The following PRKAG2 variants were observed in gnomAD, a reference collection of about 807,000 sequenced individuals.
The protein encoded by PRKAG2 is protein kinase AMP-activated non-catalytic subunit gamma 2, also known as 5'-AMP-activated protein kinase subunit gamma-2.
Under a neutral mutation model 69.6 loss-of-function variants are expected in PRKAG2, and 26 were observed. The observed-to-expected ratio is 0.37, with a 90% CI of 0.27 to 0.52. The LOEUF is 0.52. Among genes scored for constraint, PRKAG2 ranks in the 20% least tolerant of loss-of-function variants. The probability of loss-of-function intolerance (pLI) is 0.90; values close to 1 mark genes in which losing one functional copy is unlikely to be tolerated. For synonymous variants in PRKAG2, 293 were observed against 285.0 expected (o/e 1.03, Z -0.28); for missense variants, 557 against 740.0 (o/e 0.75, Z 2.87).
chr7:151,767,009 G>A (rs575581057), intron 3 of PRKAG2, among the ~76,000 whole-genome samples: 4 of 152,342 alleles, frequency 2.6e-5, no homozygotes, highest in South Asian at 4.1e-4. Flanking sequence ...TAGCTGAGAT[G>A]AGGGTTATAC....
intron 5 of PRKAG2, among the ~76,000 whole-genome samples, chr7:151,612,116 A>G (rs1449787537): frequency 6.6e-6 from 1 of 152,122 alleles, no homozygotes; most frequent in Non-Finnish European, 1.5e-5. Context: ...CAGCATCACT[A>G]AAGGAGCTGA....
intron 4 of PRKAG2, among the ~76,000 whole-genome samples, chr7:151,671,429 T>C (rs1037221103): frequency 6.6e-6 from 1 of 152,166 alleles, no homozygotes; most frequent in African/African-American, 2.4e-5. Flanking sequence ...ATTAACAGAA[T>C]CAGCCAAGCA....
intron 4 of PRKAG2, among the ~76,000 whole-genome samples, chr7:151,644,177 C>T (rs1827195222): frequency 6.6e-6 from 1 of 152,100 alleles, no homozygotes; most frequent in Non-Finnish European, 1.5e-5. Flanking sequence ...CAAATCTCCA[C>T]TAAATAACTT....
intron 3 of PRKAG2, among the ~76,000 whole-genome samples, chr7:151,751,413 G>A (rs1046159279): frequency 1.3e-5 from 2 of 151,656 alleles, no homozygotes; most frequent in South Asian, 2.1e-4. Context: ...CACCACGCCC[G>A]GCCCAAAGAT....
chr7:151,790,323 C>A (rs1469893044), intron 1 of PRKAG2, among the ~76,000 whole-genome samples: 1 of 152,230 alleles, frequency 6.6e-6, no homozygotes, highest in East Asian at 1.9e-4. Flanking sequence ...CACTCTCTGG[C>A]TGAGAGTCAC....
intron 1 of PRKAG2, among the ~76,000 whole-genome samples, chr7:151,856,054 T>C (rs1792899599): frequency 1.3e-5 from 2 of 152,210 alleles, no homozygotes; most frequent in African/African-American, 4.8e-5. Context: ...ATTCTGCCCT[T>C]GGGGTTTCTC....
In PRKAG2 at chr7:151,807,231, C is replaced by A; in HGVS notation, c.115-20690G>T. 2.7e-6 allele frequency: 1 copy of A among 369,970 alleles called. No homozygotes were observed. Among genetic ancestry groups the A allele is most frequent in the Non-Finnish European group, 5.4e-6 (1 of 185,928 alleles). 22.9% of individuals were successfully genotyped at this position (369,970 alleles called of 1,614,324 possible). ...CAAAGGGCATTATATGTAAATCACA[C>A]CTCAATAAAGCTGACCAAAAAGTGG... On this transcript the variant is annotated intron_variant, in intron 1 of 15. Transcript: ENST00000287878. This position sits in a 1 kb window ranked among gnomAD's most constrained non-coding sequence, Gnocchi z 4.4.
At chr7:151,782,360 G>GAAA (rs1563663142) in intron 2 of PRKAG2, among the ~76,000 whole-genome samples, 21 of 35,610 alleles carry the variant, frequency 5.9e-4, no homozygotes, top group Non-Finnish European at 1.0e-3. Context: ...AGGGAGGGAG[G>GAAA]GAGGGAGGGA....
intron 15 of PRKAG2, chr7:151,560,037 T>C (rs1241647531): frequency 5.1e-6 from 5 of 985,218 alleles, no homozygotes; most frequent in Non-Finnish European, 4.8e-6. Context: ...TTAACCACAC[T>C]CTATCTGAAA....
intron 3 of PRKAG2, among the ~76,000 whole-genome samples, chr7:151,768,863 C>G (rs2075877658): frequency 6.6e-6 from 1 of 152,238 alleles, no homozygotes; most frequent in Non-Finnish European, 1.5e-5. Context: ...GAAACAGCGA[C>G]TCTGTAGCCT....
In PRKAG2 at chr7:151,862,965, G is replaced by A. The variant is rs115390447; in HGVS notation, c.114+13542C>T. Among the ~76,000 whole-genome samples the A allele has an allele frequency of 8.5e-3, 1,275 of 150,524 alleles. 20 individuals carry two copies. The highest frequency in any genetic ancestry group is 0.027 in the African/African-American group (1,084 of 40,824). On this transcript the variant is annotated intron_variant, in intron 1 of 15. Transcript: ENST00000287878. ...GTGCAGGGAGCACTGGTAGATCTCC[G>A]GGTGCAGGGGGCACTGGTAGGTCCT...
chr7:151,575,679 G>C (rs962427350), intron 7 of PRKAG2, among the ~76,000 whole-genome samples: 3 of 152,098 alleles, frequency 2.0e-5, no homozygotes, highest in African/African-American at 7.2e-5. Context: ...AGATGAGTGC[G>C]GGGCCCAGGG....
intron 5 of PRKAG2, among the ~76,000 whole-genome samples, chr7:151,605,886 T>G (rs1159459209): frequency 6.9e-6 from 1 of 144,340 alleles, no homozygotes; most frequent in Non-Finnish European, 1.5e-5. Flanking sequence ...TGCAGTGAAC[T>G]GAGATTGTGC....
intron 3 of PRKAG2, among the ~76,000 whole-genome samples, chr7:151,757,644 C>T (rs2075173325): frequency 6.6e-6 from 1 of 152,188 alleles, no homozygotes; most frequent in East Asian, 1.9e-4. Context: ...GACTTACTTC[C>T]ATCCAGCGGA....
intron 9 of PRKAG2, among the ~76,000 whole-genome samples, chr7:151,571,777 G>A (rs1300435375): frequency 2.0e-5 from 3 of 152,198 alleles, no homozygotes; most frequent in Admixed American, 6.5e-5. Context: ...GTATGGATTT[G>A]AAAGGGCCCC....
intron 1 of PRKAG2, among the ~76,000 whole-genome samples, chr7:151,838,030 C>G (rs1352379168): frequency 6.6e-6 from 1 of 151,810 alleles, no homozygotes; most frequent in African/African-American, 2.4e-5. Flanking sequence ...GCGCACAGGA[C>G]CCCGGAGGAG....
chr7:151,812,943 A>G (rs1029973003), intron 1 of PRKAG2, among the ~76,000 whole-genome samples: 1 of 152,032 alleles, frequency 6.6e-6, no homozygotes, highest in Non-Finnish European at 1.5e-5. Context: ...CTGAAAAAAA[A>G]AAAACCACAC....
intron 5 of PRKAG2, chr7:151,631,492 C>A (rs1467488628): frequency 7.5e-6 from 2 of 266,252 alleles, no homozygotes; most frequent in Non-Finnish European, 1.6e-5. Flanking sequence ...AAGAAGAAGA[C>A]AGGAGAGGGA....
chr7:151,598,951 A>G lies in PRKAG2; in HGVS notation c.755-3497T>C, dbSNP rs567520562. 2.6e-4 allele frequency among the ~76,000 whole-genome samples: 39 copies of G among 152,050 alleles called. No homozygotes were observed. The South Asian group carries it at 7.9e-3, about 31-fold the overall frequency. On this transcript the variant is annotated intron_variant, in intron 5 of 15. Transcript: ENST00000287878. Reference sequence around the variant, plus strand: ...ACTGCAACCTCTGCCTCCAAGGTTCAAGAGATTCTCCTGCCTCAGCCTCCC... The same window carrying G: ...ACTGCAACCTCTGCCTCCAAGGTTCGAGAGATTCTCCTGCCTCAGCCTCCC...
Sources: gnomAD v4.1 joint callset for allele counts (sites outside exome capture counted in the v4.1 genomes callset) on GRCh38, gnomAD v4.1.1 for gene constraint, Gnocchi (gnomAD v3.1) non-coding constraint, MANE v1.5 for transcripts, NCBI Gene and HGNC (gene_info 2026-07-23, HGNC 2026-07-21) for gene names.